The following ADAMTS6 variants were observed in gnomAD, a reference collection of about 807,000 sequenced individuals.
ADAMTS6 encodes A disintegrin and metalloproteinase with thrombospondin motifs 6.
A neutral mutation model predicts 144.3 loss-of-function variants in ADAMTS6; 23 were observed. That is an observed-to-expected ratio of 0.16 (90% CI 0.11 to 0.23). The LOEUF (loss-of-function observed/expected upper bound fraction) is 0.23. Among genes scored for constraint, ADAMTS6 ranks in the 10% least tolerant of loss-of-function variants. The probability of loss-of-function intolerance (pLI) is 1.00; values close to 1 mark genes in which losing one functional copy is unlikely to be tolerated. For synonymous variants in ADAMTS6, 444 were observed against 457.5 expected (o/e 0.97, Z 0.38); for missense variants, 999 against 1,379.6 (o/e 0.72, Z 4.37).
intron 9 of ADAMTS6, among the ~76,000 whole-genome samples, chr5:65,302,091 C>CAAA (rs1743442104): frequency 5.8e-5 from 3 of 51,874 alleles, no homozygotes; most frequent in African/African-American, 1.1e-4. Flanking sequence ...GGCTCTGTCT[C>CAAA]CAAAAAAAAA....
intron 8 of ADAMTS6, among the ~76,000 whole-genome samples, chr5:65,332,339 A>T (rs866334430): frequency 1.6e-3 from 227 of 145,480 alleles, no homozygotes; most frequent in African/African-American, 5.2e-3. Context: ...AGAGAGAGAG[A>T]GTGTATATGT....
chr5:65,312,308 T>A (rs1469955067), intron 9 of ADAMTS6, among the ~76,000 whole-genome samples: 1 of 151,992 alleles, frequency 6.6e-6, no homozygotes, highest in African/African-American at 2.4e-5. Context: ...TAAAAGGACA[T>A]TCTTAATTTA....
intron 7 of ADAMTS6, among the ~76,000 whole-genome samples, chr5:65,404,760 C>T (rs1289055428): frequency 2.0e-5 from 3 of 152,182 alleles, no homozygotes; most frequent in African/African-American, 7.2e-5. Flanking sequence ...ACAGTCCCAC[C>T]AACAGTGTAA....
Position 65,360,532 on chromosome 5 carries a change from T to C in ADAMTS6, c.1074-26447A>G, listed in dbSNP as rs114049296. ...AGTACATATATACTATTTTTGTTTG[T>C]TGATTATACCTTAATAGAGCTGAGG... On this transcript the variant is annotated intron_variant, in intron 7 of 24. Coordinates refer to ENST00000381055, the MANE Select transcript of ADAMTS6 (RefSeq NM_197941.4). 2.7e-3 allele frequency among the ~76,000 whole-genome samples: 415 copies of C among 152,288 alleles called. 1 individual carries two copies. Among genetic ancestry groups the C allele is most frequent in the African/African-American group, 9.7e-3 (404 of 41,552 alleles).
Position 65,149,901 on chromosome 5 carries a change from C to G in ADAMTS6, c.*1935G>C, listed in dbSNP as rs1457739243. 1.3e-5 allele frequency: 2 copies of G among 152,600 alleles called. No individual in the cohort carries two copies. Among genetic ancestry groups the G allele is most frequent in the African/African-American group, 4.8e-5 (2 of 41,424 alleles). 9.5% of individuals were successfully genotyped at this position (152,600 alleles called of 1,614,324 possible). A position where few individuals can be genotyped will look rare whatever the true frequency, so the allele number is the denominator to read the frequency against. On this transcript the variant is annotated 3_prime_UTR_variant, in exon 25 of 25. Coordinates refer to ENST00000381055, the MANE Select transcript of ADAMTS6 (RefSeq NM_197941.4). ...ATCTTAGATCCGGGCCCTGGTGATT[C>G]CTCTTGTATCATCAATAGCTCTCTC...
chr5:65,187,621 T>C (rs1466037458), intron 22 of ADAMTS6, among the ~76,000 whole-genome samples: 1 of 152,304 alleles, frequency 6.6e-6, no homozygotes, highest in Non-Finnish European at 1.5e-5. Flanking sequence ...GAAAAGGTCA[T>C]TCTAGGTCTT....
At chr5:65,415,826 T>C (rs1755461449) in intron 7 of ADAMTS6, 2 of 257,396 alleles carry the variant, frequency 7.8e-6, no homozygotes, top group Non-Finnish European at 1.5e-5. Context: ...AAGCTCTCCA[T>C]TGTCCCTGTG....
chr5:65,192,614 G>A (rs1755085500), intron 21 of ADAMTS6, among the ~76,000 whole-genome samples: 1 of 150,048 alleles, frequency 6.7e-6, no homozygotes, highest in East Asian at 2.0e-4. Context: ...TTGGGGATTA[G>A]CTTCTTACCA....
At chr5:65,352,873 TGTCATG>T (rs1748992699) in intron 7 of ADAMTS6, among the ~76,000 whole-genome samples, 2 of 152,022 alleles carry the variant, frequency 1.3e-5, no homozygotes, top group South Asian at 4.2e-4. Flanking sequence ...CCACCCTACT[TGTCATG>T]GCCTATAAGA....
At chr5:65,365,603 T>C (rs1197989971) in intron 7 of ADAMTS6, among the ~76,000 whole-genome samples, 2 of 149,460 alleles carry the variant, frequency 1.3e-5, no homozygotes, top group African/African-American at 2.5e-5. Flanking sequence ...GCGGAGATCA[T>C]GCCATTGCAC....
chr5:65,428,160 C>G (rs1175753734), intron 7 of ADAMTS6, among the ~76,000 whole-genome samples: 2 of 142,194 alleles, frequency 1.4e-5, no homozygotes, highest in East Asian at 4.1e-4. Context: ...TGGGAGGCAG[C>G]AGTTGCTGTG....
rs777768727 is a variant in ADAMTS6 at position 65,214,898 on chromosome 5, T to C, written c.2471A>G (p.Tyr824Cys). The C allele has an allele frequency of 1.1e-5, 17 of 1,614,000 alleles. No homozygotes were observed. Among genetic ancestry groups the C allele is most frequent in the South Asian group, 6.6e-5 (6 of 91,060 alleles). The part of the protein sequence containing the change: ...LLQEQNLGIR[Y>C]KFNVPITRTG... ...TCGAGTGATGGGAACATTGAACTTA[T>C]ACCTAATTCCCAAATTCTGTTCTTG... Residue 824 changes from tyrosine (Y) to cysteine (C), a missense_variant, in exon 20 of 25, where the codon TAT becomes TGT. Transcript: ENST00000381055. The surrounding 1 kb of genome is among the most constrained non-coding windows in gnomAD (Gnocchi z 4.6).
At position 65,155,644 on chromosome 5, in the gene ADAMTS6, T is replaced by C. The variant is rs148655451; in HGVS notation, c.3245-3699A>G. On this transcript the variant is annotated intron_variant, in intron 24 of 24. Transcript: ENST00000381055. ...TCAGCTTTATATAGACAGCAAAACATAAGCTCAAAAAGATTATGAAACTCA... is the reference window on the plus strand; with the variant it reads ...TCAGCTTTATATAGACAGCAAAACACAAGCTCAAAAAGATTATGAAACTCA... Among the ~76,000 whole-genome samples, 161 of 152,294 alleles carry C rather than the reference T, an allele frequency of 1.1e-3. 1 individual carries two copies. Among genetic ancestry groups the C allele is most frequent in the African/African-American group, 3.7e-3 (154 of 41,568 alleles).
In ADAMTS6 at chr5:65,188,011, C is replaced by T. The variant is rs1311273243; in HGVS notation, c.2910+5G>A. ...ACATATACATATAGCCTCAGATTTC[C>T]TTACCTCAGACCAGTCCAAAGCCAC... On this transcript the variant is annotated splice_donor_5th_base_variant and intron_variant, in intron 22 of 24. Transcript: ENST00000381055. 1 of 1,613,780 alleles carries T rather than the reference C, an allele frequency of 6.2e-7. No homozygotes were observed. Among genetic ancestry groups the T allele is most frequent in the Admixed American group, 1.7e-5 (1 of 60,002 alleles).
At position 65,452,874 on chromosome 5, in the gene ADAMTS6, T is replaced by G; in HGVS notation, c.676A>C (p.Thr226Pro). The G allele has an allele frequency of 6.2e-7, 1 of 1,613,978 alleles. No individual in the cohort carries two copies. ...TTAATTGGTAGTGAATAAGAAACAG[T>G]GGATGTGTCATTCAGCCACCAAGGT... is the stretch of plus-strand genomic sequence containing the variant. The part of the protein sequence containing the change: ...GKPWWLNDTS[T>P]VSYSLPINNT... Residue 226 changes from threonine to proline, a missense_variant, in exon 5 of 25, where the codon ACT (threonine) becomes CCT (proline). Around this residue, in one of 3 missense-constraint regions of ADAMTS6, gnomAD observed 252 missense variants for 293.7 expected, o/e 0.86. Coordinates refer to ENST00000381055, the MANE Select transcript of ADAMTS6 (RefSeq NM_197941.4).
chr5:65,440,929 A>T (rs1443019905), intron 7 of ADAMTS6, among the ~76,000 whole-genome samples: 1 of 152,210 alleles, frequency 6.6e-6, no homozygotes, highest in Non-Finnish European at 1.5e-5. Context: ...AATTACAGAA[A>T]CACAAAAATA....
rs557979119 is a variant in ADAMTS6 at position 65,259,962 on chromosome 5, C to T, written c.1830+638G>A. ...TAATGAGATATAAACATTGTCAATCCACTTTGAGGCTCAGTCATTCAAGGG... is the reference window on the plus strand; with the variant it reads ...TAATGAGATATAAACATTGTCAATCTACTTTGAGGCTCAGTCATTCAAGGG... On this transcript the variant is annotated intron_variant, in intron 14 of 24. Transcript: ENST00000381055. 3.9e-4 allele frequency among the ~76,000 whole-genome samples: 60 copies of T among 152,150 alleles called. 1 individual carries two copies. The highest frequency in any genetic ancestry group is 1.4e-3 in the African/African-American group (59 of 41,508).
At chr5:65,274,279 A>T (rs1210861683) in intron 11 of ADAMTS6, among the ~76,000 whole-genome samples, 1 of 152,080 alleles carries the variant, frequency 6.6e-6, no homozygotes, top group African/African-American at 2.4e-5. Flanking sequence ...GCCCCCAAAA[A>T]GCTTCCTTTT....
At chr5:65,209,312 T>C (rs1179944697) in intron 20 of ADAMTS6, among the ~76,000 whole-genome samples, 1 of 152,222 alleles carries the variant, frequency 6.6e-6, no homozygotes, top group Non-Finnish European at 1.5e-5. Context: ...TTATAAAGTA[T>C]AAATATGTTT....
Sources: gnomAD v4.1 joint callset for allele counts (sites outside exome capture counted in the v4.1 genomes callset) on GRCh38, gnomAD v4.1.1 for gene constraint, gnomAD v4.1.1 regional missense constraint, Gnocchi (gnomAD v3.1) non-coding constraint, MANE v1.5 for transcripts, NCBI Gene and HGNC (gene_info 2026-07-23, HGNC 2026-07-21) for gene names.